ATXN10: variants seen among roughly 807,000 people sequenced by gnomAD.
The protein encoded by ATXN10 is ataxin 10, also known as ataxin-10.
In ATXN10, 28 loss-of-function variants were observed where a neutral mutation model predicts 52.9. The ratio of observed to expected loss-of-function variants is 0.53; its 90% confidence interval spans 0.39 to 0.73. The LOEUF (loss-of-function observed/expected upper bound fraction) is 0.73, where lower values mean the gene tolerates loss of function less well. Ranked by LOEUF, ATXN10 falls within the 30% of genes least tolerant of loss-of-function variation. ATXN10 has a pLI of 0.00. For synonymous variants in ATXN10, 226 were observed against 221.5 expected (o/e 1.02, Z -0.18); for missense variants, 565 against 577.0 (o/e 0.98, Z 0.21).
At chr22:45,802,986 C>T (rs1001713061) in intron 9 of ATXN10, among the ~76,000 whole-genome samples, 4 of 152,198 alleles carry the variant, frequency 2.6e-5, no homozygotes, top group Admixed American at 6.5e-5. Context: ...TATTCAGTTT[C>T]GTCATGCATT....
rs933958657 is a variant in ATXN10, at chr22:45,690,399, T to C, written c.308+496T>C. On this transcript the variant is annotated intron_variant, in intron 2 of 11. Transcript: ENST00000252934. This position sits in a 1 kb window ranked among gnomAD's most constrained non-coding sequence, Gnocchi z 4.5. ...GCCTTGCCATTGGAGTCTCTCTGACTAGTGTATAAAATAATGGAGTGTGTT... is the reference window on the plus strand; with the variant it reads ...GCCTTGCCATTGGAGTCTCTCTGACCAGTGTATAAAATAATGGAGTGTGTT... 6.6e-6 allele frequency among the ~76,000 whole-genome samples: 1 copy of C among 152,194 alleles called. No individual in the cohort carries two copies. Among genetic ancestry groups the C allele is most frequent in the African/African-American group, 2.4e-5 (1 of 41,442 alleles).
At position 45,757,142 on chromosome 22, in the gene ATXN10, C is replaced by T. The variant is rs554039516; in HGVS notation, c.1173+16604C>T. Reference sequence around the variant, plus strand: ...CTGCCTGGGGCTGGGGCTGTGGAGGCGGACGACTGGGGAGTCTGATGGGGA... The same window carrying T: ...CTGCCTGGGGCTGGGGCTGTGGAGGTGGACGACTGGGGAGTCTGATGGGGA... On this transcript the variant is annotated intron_variant, in intron 9 of 11. Transcript: ENST00000252934. The surrounding 1 kb of genome is among the most constrained non-coding windows in gnomAD (Gnocchi z 4.6). Among the ~76,000 whole-genome samples, 124 of 151,900 alleles carry T rather than the reference C, an allele frequency of 8.2e-4. 2 individuals are homozygous for T. Among genetic ancestry groups the T allele is most frequent in the South Asian group, 6.7e-3 (32 of 4,800 alleles).
At chr22:45,702,889 G>A in intron 5 of ATXN10, 42 bp downstream of exon 5, 1 of 1,611,338 alleles carries the variant, frequency 6.2e-7, no homozygotes, top group Non-Finnish European at 8.5e-7. Context: ...GGGGCATCCT[G>A]ACAGATCACT....
chr22:45,680,628 A>ATT, intron 1 of ATXN10, among the ~76,000 whole-genome samples: 1 of 150,876 alleles, frequency 6.6e-6, no homozygotes, highest in African/African-American at 2.4e-5. Flanking sequence ...GCTAATTAAA[A>ATT]ATTTTTTTTT....
At position 45,801,383 on chromosome 22, in the gene ATXN10, CT is replaced by C. The variant is rs559829463; in HGVS notation, c.1174-5570del. Among the ~76,000 whole-genome samples, 492 of 152,326 alleles carry C rather than the reference CT, an allele frequency of 3.2e-3. 2 individuals carry two copies. Among genetic ancestry groups the C allele is most frequent in the South Asian group, 6.0e-3 (29 of 4,828 alleles). On this transcript the variant is annotated intron_variant, in intron 9 of 11. Transcript: ENST00000252934. ...AGTGTCTGCAATGCCCAAGCCACTT[CT>C]TTTTTACTTCTGCTTGAGTCACACC...
At chr22:45,714,045 A>T (rs951040998) in intron 5 of ATXN10, among the ~76,000 whole-genome samples, 4 of 152,182 alleles carry the variant, frequency 2.6e-5, no homozygotes, top group African/African-American at 9.7e-5. Flanking sequence ...GTACTGTTAT[A>T]ATTTTGACAA....
rs140396104 is a variant in ATXN10, at chr22:45,840,978, G to A, written c.1238-2013G>A. ...AGGTGAGAAAATGAGTTTGTGTATCGACAGTGACATCCTGGGTGTGAAACT... is the reference window on the plus strand; with the variant it reads ...AGGTGAGAAAATGAGTTTGTGTATCAACAGTGACATCCTGGGTGTGAAACT... On this transcript the variant is annotated intron_variant, in intron 10 of 11. Coordinates refer to ENST00000252934, the MANE Select transcript of ATXN10 (RefSeq NM_013236.4). The surrounding 1 kb of genome is among the most constrained non-coding windows in gnomAD (Gnocchi z 5.8). Among the ~76,000 whole-genome samples, 46 of 152,198 alleles carry A rather than the reference G, an allele frequency of 3.0e-4. No individual in the cohort carries two copies. The highest frequency in any genetic ancestry group is 9.1e-4 in the African/African-American group (38 of 41,536).
At chr22:45,788,787 A>G (rs1214466209) in intron 9 of ATXN10, among the ~76,000 whole-genome samples, 3 of 152,048 alleles carry the variant, frequency 2.0e-5, no homozygotes, top group Non-Finnish European at 4.4e-5. Flanking sequence ...GGTAGCTGGG[A>G]CTACAGGCTC....
chr22:45,817,456 C>T (rs551567746), intron 10 of ATXN10, among the ~76,000 whole-genome samples: 2 of 151,578 alleles, frequency 1.3e-5, no homozygotes, highest in African/African-American at 2.4e-5. Flanking sequence ...TCTCTAGTAG[C>T]GGGAATTACA....
At position 45,715,771 on chromosome 22, in the gene ATXN10, C is replaced by A. The variant is rs1415639094; in HGVS notation, c.648-2642C>A. On this transcript the variant is annotated intron_variant, in intron 5 of 11. Transcript: ENST00000252934. This position sits in a 1 kb window ranked among gnomAD's most constrained non-coding sequence, Gnocchi z 4.4. ...CATGTGTCATGTTCACTAAGGTAGA[C>A]CATAGGCTGGCCTGTACAAAAGTTT... 1.3e-5 allele frequency among the ~76,000 whole-genome samples: 2 copies of A among 152,170 alleles called. No homozygotes were observed. Among genetic ancestry groups the A allele is most frequent in the African/African-American group, 2.4e-5 (1 of 41,446 alleles).
chr22:45,711,196 A>G (rs1924233655), intron 5 of ATXN10, among the ~76,000 whole-genome samples: 1 of 152,156 alleles, frequency 6.6e-6, no homozygotes, highest in Non-Finnish European at 1.5e-5. Flanking sequence ...AAAAAGGAAC[A>G]AGTGTTGGTA....
rs569637817 is a variant in ATXN10 at position 45,786,223 on chromosome 22, C to A, written c.1174-20736C>A. Among the ~76,000 whole-genome samples the A allele has an allele frequency of 6.6e-6, 1 of 152,184 alleles. No individual in the cohort carries two copies. The highest frequency in any genetic ancestry group is 1.5e-5 in the Non-Finnish European group (1 of 68,036). ...ACATTGTGTTTTGTACTTCCGGGTA[C>A]TTTAAGAGCCTCTGCCATTACTATT... On this transcript the variant is annotated intron_variant, in intron 9 of 11. Transcript: ENST00000252934. This position sits in a 1 kb window ranked among gnomAD's most constrained non-coding sequence, Gnocchi z 4.1.
intron 9 of ATXN10, among the ~76,000 whole-genome samples, chr22:45,768,116 C>T (rs1926650886): frequency 6.6e-6 from 1 of 152,162 alleles, no homozygotes; most frequent in Admixed American, 6.5e-5. Flanking sequence ...CAGAAAGTGC[C>T]TATTTCCTAC....
rs942739122 is a variant in ATXN10, at chr22:45,757,381, G to A, written c.1173+16843G>A. ...GATTCTAACAGTGTGGCCCAGCAGC[G>A]CCTGCTGGCTGGGAGCAGGGACAGA... On this transcript the variant is annotated intron_variant, in intron 9 of 11. Coordinates refer to ENST00000252934, the MANE Select transcript of ATXN10 (RefSeq NM_013236.4). This position sits in a 1 kb window ranked among gnomAD's most constrained non-coding sequence, Gnocchi z 4.6. 1.3e-5 allele frequency among the ~76,000 whole-genome samples: 2 copies of A among 152,150 alleles called. No individual in the cohort carries two copies. Among genetic ancestry groups the A allele is most frequent in the South Asian group, 4.1e-4 (2 of 4,822 alleles).
rs1926898513 is a variant in ATXN10 at position 45,774,908 on chromosome 22, C to G, written c.1174-32051C>G. 6.6e-6 allele frequency among the ~76,000 whole-genome samples: 1 copy of G among 152,110 alleles called. No individual in the cohort carries two copies. The highest frequency in any genetic ancestry group is 6.5e-5 in the Admixed American group (1 of 15,276). On this transcript the variant is annotated intron_variant, in intron 9 of 11. Transcript: ENST00000252934. This position sits in a 1 kb window ranked among gnomAD's most constrained non-coding sequence, Gnocchi z 6.2. ...TGAGCCAAGATCACGCCAGTGCACGCCAGCCTGGGTGACAGAGTGAGACTC... is the reference window on the plus strand; with the variant it reads ...TGAGCCAAGATCACGCCAGTGCACGGCAGCCTGGGTGACAGAGTGAGACTC...
chr22:45,816,610 T>A lies in ATXN10; in HGVS notation c.1237+9588T>A, dbSNP rs1470248214. Among the ~76,000 whole-genome samples the A allele has an allele frequency of 6.6e-6, 1 of 152,188 alleles. No individual in the cohort carries two copies. The highest frequency in any genetic ancestry group is 1.5e-5 in the Non-Finnish European group (1 of 68,032). On this transcript the variant is annotated intron_variant, in intron 10 of 11. Transcript: ENST00000252934. This position sits in a 1 kb window ranked among gnomAD's most constrained non-coding sequence, Gnocchi z 5.8. ...CTGTACCCTGAGTGCATTCCCAACA[T>A]TGGACCCTGTGAACCCAGGGGACTG...
rs1054325212 is a variant in ATXN10 at position 45,732,336 on chromosome 22, G to A, written c.894+2746G>A. Among the ~76,000 whole-genome samples the A allele has an allele frequency of 3.9e-5, 6 of 151,986 alleles. No homozygotes were observed. The highest frequency in any genetic ancestry group is 1.2e-4 in the African/African-American group (5 of 41,422). ...TAGCTGGGTGTGGTGGTGTGTGCCTGTGTTCCTAGCCACCGGTGAGGCTGA... is the reference window on the plus strand; with the variant it reads ...TAGCTGGGTGTGGTGGTGTGTGCCTATGTTCCTAGCCACCGGTGAGGCTGA... On this transcript the variant is annotated intron_variant, in intron 7 of 11. Coordinates refer to ENST00000252934, the MANE Select transcript of ATXN10 (RefSeq NM_013236.4). The surrounding 1 kb of genome is among the most constrained non-coding windows in gnomAD (Gnocchi z 4.5).
chr22:45,810,925 C>T (rs192231603), intron 10 of ATXN10, among the ~76,000 whole-genome samples: 1 of 151,648 alleles, frequency 6.6e-6, no homozygotes, highest in Non-Finnish European at 1.5e-5. Flanking sequence ...GATTTATGAC[C>T]TAGTAATATG....
At chr22:45,742,552 G>T (rs1318442509) in intron 9 of ATXN10, among the ~76,000 whole-genome samples, 1 of 151,768 alleles carries the variant, frequency 6.6e-6, no homozygotes, top group Admixed American at 6.6e-5. Flanking sequence ...AATACCGAAT[G>T]TGCTTAACCT....
Sources: allele counts gnomAD v4.1 joint callset (sites outside exome capture counted in the v4.1 genomes callset), GRCh38; gene constraint gnomAD v4.1.1; non-coding constraint Gnocchi (gnomAD v3.1); transcripts MANE v1.5; gene names NCBI Gene and HGNC (gene_info 2026-07-23, HGNC 2026-07-21).